SPATA16: variants seen among roughly 807,000 people sequenced by gnomAD.
The protein encoded by SPATA16 is spermatogenesis-associated protein 16.
Under a neutral mutation model 63.3 loss-of-function variants are expected in SPATA16, and 36 were observed. That is an observed-to-expected ratio of 0.57 (90% CI 0.44 to 0.75). The LOEUF (loss-of-function observed/expected upper bound fraction) is 0.75. Among genes scored for constraint, SPATA16 ranks in the 30% least tolerant of loss-of-function variants. The pLI is 0.00. For synonymous variants in SPATA16, 203 were observed against 216.7 expected (o/e 0.94, Z 0.56); for missense variants, 646 against 679.3 (o/e 0.95, Z 0.54).
Position 172,913,674 on chromosome 3 carries a change from T to C in SPATA16, c.1574A>G (p.Asn525Ser). Residue 525 changes from asparagine (N) to serine (S), a missense_variant, in exon 10 of 11, where the codon AAT becomes AGT. By Grantham distance (46) the Asn-to-Ser change is conservative. Transcript: ENST00000351008. ...TCAAAGTTTTACCTTTTGGATCATA[T>C]TCCACACACGTTCATTATTGTTTCT... ...GRRNNNERVW[N>S]MIQKVGQIED... 1.2e-6 allele frequency: 2 copies of C among 1,613,714 alleles called. No homozygotes were observed. The highest frequency in any genetic ancestry group is 1.7e-6 in the Non-Finnish European group (2 of 1,179,726).
chr3:173,065,037 A>C (rs2108303065), intron 2 of SPATA16, among the ~76,000 whole-genome samples: 1 of 152,306 alleles, frequency 6.6e-6, no homozygotes, highest in South Asian at 2.1e-4. Flanking sequence ...AAGTTCTTTC[A>C]GGAAAAAAAG....
At chr3:173,065,926 C>T (rs1462861349) in intron 2 of SPATA16, among the ~76,000 whole-genome samples, 2 of 152,144 alleles carry the variant, frequency 1.3e-5, no homozygotes, top group African/African-American at 2.4e-5. Flanking sequence ...CTACAAGGAC[C>T]GCCGTTCTAG....
At chr3:172,926,859 C>T (rs771472350) in intron 6 of SPATA16, among the ~76,000 whole-genome samples, 3 of 152,090 alleles carry the variant, frequency 2.0e-5, no homozygotes, top group Non-Finnish European at 4.4e-5. Flanking sequence ...ATTTCTCAAA[C>T]GAAGGATGAT....
Position 172,985,606 on chromosome 3 carries a change from TAA to T in SPATA16, c.849-8556_849-8555del, listed in dbSNP as rs377197080. Among the ~76,000 whole-genome samples, 31 of 152,344 alleles carry T rather than the reference TAA, an allele frequency of 2.0e-4. No homozygotes were observed. In the East Asian group the frequency reaches 5.2e-3, roughly 26 times the overall value. ...ACAGATCATAAGTGCTATAGAATTT[TAA>T]AGAGGAAAACGATTACTTTTTTACT... On this transcript the variant is annotated intron_variant, in intron 4 of 10. Coordinates refer to ENST00000351008, the MANE Select transcript of SPATA16 (RefSeq NM_031955.6).
intron 6 of SPATA16, among the ~76,000 whole-genome samples, chr3:172,953,160 G>T (rs1053558062): frequency 2.1e-4 from 32 of 152,112 alleles, no homozygotes; most frequent in African/African-American, 7.5e-4. Context: ...CTGAAGTATA[G>T]CTTACTAAAG....
intron 4 of SPATA16, among the ~76,000 whole-genome samples, chr3:173,005,256 G>A (rs950755349): frequency 2.7e-5 from 4 of 148,484 alleles, no homozygotes; most frequent in Admixed American, 1.4e-4. Context: ...CCTGGGAGGC[G>A]AAGGTTGCAG....
At chr3:173,019,702 G>T in intron 3 of SPATA16, 127 bp from the exon 4 acceptor site, 1 of 840,170 alleles carries the variant, frequency 1.2e-6, no homozygotes, top group Non-Finnish European at 2.0e-6. Context: ...ACTAGTGAAA[G>T]GAGCCCTTCC....
chr3:173,034,602 T>G (rs1735674809), intron 3 of SPATA16, among the ~76,000 whole-genome samples: 1 of 152,176 alleles, frequency 6.6e-6, no homozygotes, highest in African/African-American at 2.4e-5. Context: ...ATTGTAGGAC[T>G]TCTAAATATT....
intron 3 of SPATA16, among the ~76,000 whole-genome samples, chr3:173,026,665 C>G (rs1338415069): frequency 6.6e-6 from 1 of 151,854 alleles, no homozygotes; most frequent in Non-Finnish European, 1.5e-5. Flanking sequence ...CCCGGCACTA[C>G]TCATTGTAAA....
intron 6 of SPATA16, among the ~76,000 whole-genome samples, chr3:172,928,666 A>G (rs1732795017): frequency 6.6e-6 from 1 of 152,216 alleles, no homozygotes; most frequent in African/African-American, 2.4e-5. Flanking sequence ...AGAAACGAGT[A>G]TCAGTACTAT....
At chr3:172,986,782 T>G (rs2108258176) in intron 4 of SPATA16, among the ~76,000 whole-genome samples, 1 of 152,244 alleles carries the variant, frequency 6.6e-6, no homozygotes, top group Admixed American at 6.5e-5. Flanking sequence ...AGTTCTGTGG[T>G]TGAGAGAGAG....
intron 6 of SPATA16, among the ~76,000 whole-genome samples, chr3:172,952,854 C>T (rs1012217932): frequency 6.8e-5 from 10 of 147,566 alleles, no homozygotes; most frequent in Admixed American, 2.8e-4. Flanking sequence ...GCAGGAGAAT[C>T]GCTTGAACCC....
chr3:172,889,733 T>C, intron 10 of SPATA16, 41 bp from the exon 11 acceptor site: 1 of 1,607,698 alleles, frequency 6.2e-7, no homozygotes, highest in Non-Finnish European at 8.5e-7. Context: ...TGTTGTTGTT[T>C]TCCTGGGTTT....
At chr3:173,100,867 A>G (rs932256633) in intron 2 of SPATA16, among the ~76,000 whole-genome samples, 1 of 152,188 alleles carries the variant, frequency 6.6e-6, no homozygotes, top group African/African-American at 2.4e-5. Flanking sequence ...TCAAATATCA[A>G]CAACAAGAGA....
chr3:173,056,913 C>G (rs953047434), intron 2 of SPATA16, among the ~76,000 whole-genome samples: 5 of 151,650 alleles, frequency 3.3e-5, no homozygotes, highest in Admixed American at 6.6e-5. Flanking sequence ...CAAATGTGTA[C>G]TATTTTTTTC....
At chr3:173,019,404 TTC>T in intron 4 of SPATA16, 80 bp downstream of exon 4, 4 of 1,164,738 alleles carry the variant, frequency 3.4e-6, no homozygotes, top group Non-Finnish European at 5.2e-6. Flanking sequence ...AAATGGAGAG[TTC>T]TGTTATGCTA....
intron 3 of SPATA16, among the ~76,000 whole-genome samples, chr3:173,047,792 G>A (rs1735991434): frequency 6.6e-6 from 1 of 151,924 alleles, no homozygotes; most frequent in Non-Finnish European, 1.5e-5. Context: ...AGATAATATA[G>A]GGAGTAAAAT....
rs561155655 is a variant in SPATA16 at position 172,925,284 on chromosome 3, T to C, written c.1228+62A>G. 6.1e-5 allele frequency: 97 copies of C among 1,590,882 alleles called. 2 individuals are homozygous for C. In the South Asian group the frequency reaches 1.0e-3, roughly 17 times the overall value. ...GAGTTAATTTTAACTCAAACATTTT[T>C]TGGGGCCCAAAACTCATCACAGGCT... On this transcript the variant is annotated intron_variant, in intron 7 of 10. Transcript: ENST00000351008.
chr3:173,136,201 G>A (rs899359389), intron 1 of SPATA16, among the ~76,000 whole-genome samples: 1 of 152,198 alleles, frequency 6.6e-6, no homozygotes, highest in Non-Finnish European at 1.5e-5. Flanking sequence ...GACTGTGTGT[G>A]TGGTAGATAG....
Sources: allele counts gnomAD v4.1 joint callset (sites outside exome capture counted in the v4.1 genomes callset), GRCh38; gene constraint gnomAD v4.1.1; transcripts MANE v1.5; gene names NCBI Gene and HGNC (gene_info 2026-07-23, HGNC 2026-07-21).